PHETA2: variants seen among roughly 807,000 people sequenced by gnomAD.
PHETA2 encodes the protein PH domain containing endocytic trafficking adaptor 2, also known as sesquipedalian-2.
For synonymous variants in PHETA2, 133 were observed against 142.9 expected (o/e 0.93, Z 0.50); for missense variants, 321 against 341.3 (o/e 0.94, Z 0.47).
chr22:42,074,894 T>C (rs1927225381), intron 1 of PHETA2, among the ~76,000 whole-genome samples: 1 of 152,250 alleles, frequency 6.6e-6, no homozygotes, highest in East Asian at 1.9e-4. Flanking sequence ...ATTTCACTAA[T>C]TATTCTTTCA....
rs1221489646 is a variant in PHETA2 at position 42,075,445 on chromosome 22, T to G, written c.-96-126T>G. 6.6e-6 allele frequency: 1 copy of G among 151,590 alleles called. No individual in the cohort carries two copies. The highest frequency in any genetic ancestry group is 2.4e-5 in the African/African-American group (1 of 41,142). 9.4% of individuals were successfully genotyped at this position (151,590 alleles called of 1,614,324 possible). A position where few individuals can be genotyped will look rare whatever the true frequency, so the allele number is the denominator to read the frequency against. ...AGGGGTTCCTGGCTGGGTGGATGGG[T>G]GGGGGGATTCTCAGGGGTCAGGGAA... On this transcript the variant is annotated intron_variant, in intron 1 of 2. Transcript: ENST00000321753. The surrounding 1 kb of genome is among the most constrained non-coding windows in gnomAD (Gnocchi z 4.8).
chr22:42,077,443 C>T lies in PHETA2; in HGVS notation c.150C>T (p.Asn50=). The T allele has an allele frequency of 2.5e-6, 4 of 1,613,748 alleles. No individual in the cohort carries two copies. The highest frequency in any genetic ancestry group is 3.4e-6 in the Non-Finnish European group (4 of 1,179,828). The change falls in exon 3 of 3, where the codon AAC becomes AAT. Residue 50 remains asparagine, a synonymous_variant. Transcript: ENST00000321753. The part of the protein sequence containing the change: ...GRRCWFVLKG[N]LLFSFESREG... Reference sequence around the variant, plus strand: ...GATGCTGGTTTGTCCTCAAGGGCAACCTGCTATTCTCCTTTGAGAGTCGCG... The same window carrying T: ...GATGCTGGTTTGTCCTCAAGGGCAATCTGCTATTCTCCTTTGAGAGTCGCG...
chr22:42,074,287 C>T lies in PHETA2; in HGVS notation c.-151C>T, dbSNP rs935278753. The T allele has an allele frequency of 3.3e-5, 5 of 152,280 alleles. No individual in the cohort carries two copies. Among genetic ancestry groups the T allele is most frequent in the Admixed American group, 2.0e-4 (3 of 15,290 alleles). 9.4% of individuals were successfully genotyped at this position (152,280 alleles called of 1,614,324 possible). ...CCACGTTGCAGCCCAGGCGGAGGCG[C>T]GGGATCTCGAGCTGGGATCGCCCTC... On this transcript the variant is annotated 5_prime_UTR_variant, in exon 1 of 3. Coordinates refer to ENST00000321753, the MANE Select transcript of PHETA2 (RefSeq NM_001002034.3).
intron 1 of PHETA2, 77 bp downstream of exon 1, chr22:42,074,418 G>T (rs1927197585): frequency 6.6e-6 from 1 of 152,396 alleles, no homozygotes. Flanking sequence ...GCGGCGAACA[G>T]CCCCGACGCG....
intron 1 of PHETA2, 166 bp downstream of exon 1, chr22:42,074,507 C>T (rs1237866304): frequency 6.6e-6 from 1 of 152,422 alleles, no homozygotes; most frequent in Non-Finnish European, 1.5e-5. Context: ...CGGGTTGGGG[C>T]TCCCCGCAGT....
chr22:42,075,559 A>T lies in PHETA2; in HGVS notation c.-96-12A>T, dbSNP rs1927251467. 1 of 152,164 alleles carries T rather than the reference A, an allele frequency of 6.6e-6. No homozygotes were observed. The highest frequency in any genetic ancestry group is 1.5e-5 in the Non-Finnish European group (1 of 68,084). 9.4% of individuals were successfully genotyped at this position (152,164 alleles called of 1,614,324 possible). A position where few individuals can be genotyped will look rare whatever the true frequency, so the allele number is the denominator to read the frequency against. On this transcript the variant is annotated splice_polypyrimidine_tract_variant and intron_variant, in intron 1 of 2. Coordinates refer to ENST00000321753, the MANE Select transcript of PHETA2 (RefSeq NM_001002034.3). This position sits in a 1 kb window ranked among gnomAD's most constrained non-coding sequence, Gnocchi z 4.8. Reference sequence around the variant, plus strand: ...TGGGATAAGCTGACTGGGCTTGAGAATTGTTTTGCAGGTTCCCTGGGAACC... The same window carrying T: ...TGGGATAAGCTGACTGGGCTTGAGATTTGTTTTGCAGGTTCCCTGGGAACC...
chr22:42,079,369 A>C lies in PHETA2; in HGVS notation c.*1296A>C, dbSNP rs1017524872. 1 of 199,174 alleles carries C rather than the reference A, an allele frequency of 5.0e-6. No individual in the cohort carries two copies. The highest frequency in any genetic ancestry group is 2.3e-5 in the African/African-American group (1 of 42,692). 12.3% of individuals were successfully genotyped at this position (199,174 alleles called of 1,614,324 possible). ...TGCATTTTGTTTAAACACAGATAGCACGGGCCTTTCTCTTATTGCTACAGT... is the reference window on the plus strand; with the variant it reads ...TGCATTTTGTTTAAACACAGATAGCCCGGGCCTTTCTCTTATTGCTACAGT... On this transcript the variant is annotated 3_prime_UTR_variant, in exon 3 of 3. Coordinates refer to ENST00000321753, the MANE Select transcript of PHETA2 (RefSeq NM_001002034.3).
Position 42,078,208 on chromosome 22 carries a change from A to C in PHETA2, c.*135A>C. ...GCTATTTAGGCATTCTCCAGGTTCG[A>C]GATCCACCCGTGTGTCTGGAAGGGA... On this transcript the variant is annotated 3_prime_UTR_variant, in exon 3 of 3. Coordinates refer to ENST00000321753, the MANE Select transcript of PHETA2 (RefSeq NM_001002034.3). 1 of 1,030,068 alleles carries C rather than the reference A, an allele frequency of 9.7e-7. No homozygotes were observed. The highest frequency in any genetic ancestry group is 1.4e-6 in the Non-Finnish European group (1 of 721,098). 63.8% of individuals were successfully genotyped at this position (1,030,068 alleles called of 1,614,324 possible).
At chr22:42,076,285 C>G (rs978945931) in intron 2 of PHETA2, 47 of 155,086 alleles carry the variant, frequency 3.0e-4, no homozygotes, top group African/African-American at 1.1e-3. Flanking sequence ...TAGCCAATCA[C>G]TAATCAATGT....
At position 42,077,523 on chromosome 22, in the gene PHETA2, C is replaced by T; in HGVS notation, c.230C>T (p.Ala77Val). ...VVLEGCTVELAEAPVPEEFAF... is the reference protein window; with the variant it reads ...VVLEGCTVELVEAPVPEEFAF... ...CTGGAAGGCTGCACAGTGGAACTGG[C>T]CGAGGCTCCCGTGCCCGAGGAGTTT... Residue 77 changes from alanine (A) to valine (V), a missense_variant, in exon 3 of 3, where the codon GCC (alanine) becomes GTC (valine). By Grantham distance (64) the Ala-to-Val change is moderately conservative. Transcript: ENST00000321753. 6.2e-7 allele frequency: 1 copy of T among 1,614,140 alleles called. No individual in the cohort carries two copies. The highest frequency in any genetic ancestry group is 8.5e-7 in the Non-Finnish European group (1 of 1,180,018).
At position 42,078,586 on chromosome 22, in the gene PHETA2, T is replaced by C. The variant is rs1225996690; in HGVS notation, c.*513T>C. The stretch of plus-strand genomic sequence containing the variant: ...GGGACCCAGCTCTTCCTGAGAGGGG[T>C]GGGAAGATTGGGGATGGGATCCTCA... On this transcript the variant is annotated 3_prime_UTR_variant, in exon 3 of 3. Coordinates refer to ENST00000321753, the MANE Select transcript of PHETA2 (RefSeq NM_001002034.3). The C allele has an allele frequency of 1.2e-5, 2 of 167,752 alleles. No individual in the cohort carries two copies. Among genetic ancestry groups the C allele is most frequent in the African/African-American group, 4.8e-5 (2 of 41,370 alleles). 10.4% of individuals were successfully genotyped at this position (167,752 alleles called of 1,614,324 possible). A position where few individuals can be genotyped will look rare whatever the true frequency, so the allele number is the denominator to read the frequency against.
Position 42,077,852 on chromosome 22 carries a change from GA to G in PHETA2, c.561del (p.Ala188ArgfsTer23), listed in dbSNP as rs1927370193. On this transcript the variant is annotated frameshift_variant, in exon 3 of 3. Coordinates refer to ENST00000321753, the MANE Select transcript of PHETA2 (RefSeq NM_001002034.3). LOFTEE classifies it low-confidence loss of function (END_TRUNC). ...KDSSPVGLVEEAGSRSAGWGL... is the reference protein window; with the variant it reads ...KDSSPVGLVEXAGSRSAGWGL... ...CAGCAGCCCTGTGGGCTTGGTTGAA[GA>G]AGCGGGCAGCAGGTCTGCAGGGTGG... is the stretch of plus-strand genomic sequence containing the variant. The G allele has an allele frequency of 1.9e-6, 3 of 1,613,464 alleles. No homozygotes were observed. In the East Asian group the frequency reaches 6.7e-5, roughly 36 times the overall value.
rs1368804995 is a variant in PHETA2 at position 42,075,080 on chromosome 22, G to A, written c.-96-491G>A. Among the ~76,000 whole-genome samples the A allele has an allele frequency of 6.6e-6, 1 of 152,062 alleles. No homozygotes were observed. Among genetic ancestry groups the A allele is most frequent in the Non-Finnish European group, 1.5e-5 (1 of 68,016 alleles). On this transcript the variant is annotated intron_variant, in intron 1 of 2. Transcript: ENST00000321753. The surrounding 1 kb of genome is among the most constrained non-coding windows in gnomAD (Gnocchi z 4.8). ...GGTGCTGGGTATTGGGGTTCTCCTG[G>A]GAACTTAGCTGAGCCCCACCCTAGA...
chr22:42,077,616 C>T lies in PHETA2; in HGVS notation c.323C>T (p.Ala108Val), dbSNP rs1222108371. The stretch of plus-strand genomic sequence containing the variant: ...CTGCTGGCCGCAGAAGGGCCGGCGG[C>T]CCAGGAGGCCTGGGTGAAGGTGCTG... ...PHLLAAEGPA[A>V]QEAWVKVLSR... The change falls in exon 3 of 3, where the codon GCC becomes GTC. Residue 108 changes from alanine to valine, a missense_variant. By Grantham distance (64) the Ala-to-Val change is moderately conservative. Coordinates refer to ENST00000321753, the MANE Select transcript of PHETA2 (RefSeq NM_001002034.3). 6.2e-7 allele frequency: 1 copy of T among 1,614,090 alleles called. No individual in the cohort carries two copies.
Position 42,078,672 on chromosome 22 carries a change from A to ATCTGC in PHETA2, c.*600_*601insCTGCT, listed in dbSNP as rs112903584. On this transcript the variant is annotated 3_prime_UTR_variant, in exon 3 of 3. Transcript: ENST00000321753. ...GTCTTCGGCCAGTGAAGAGAGATTTATTCTGCTCAGAGTGCTGGGGTCCCA... is the reference window on the plus strand; with the variant it reads ...GTCTTCGGCCAGTGAAGAGAGATTTATCTGCTTCTGCTCAGAGTGCTGGGGTCCCA... 1 of 166,912 alleles carries ATCTGC rather than the reference A, an allele frequency of 6.0e-6. No individual in the cohort carries two copies. The highest frequency in any genetic ancestry group is 2.4e-5 in the African/African-American group (1 of 41,252). 10.3% of individuals were successfully genotyped at this position (166,912 alleles called of 1,614,324 possible).
rs531351772 is a variant in PHETA2, at chr22:42,077,941, T to G, written c.648T>G (p.Pro216=). ...ASLLLGKGQS[P]VSPETSCFST... is the part of the protein sequence containing the mutation. The stretch of plus-strand genomic sequence containing the variant: ...TCCTCCTAGGCAAGGGGCAGAGCCC[T>G]GTGTCCCCTGAGACCTCCTGCTTCT... Residue 216 remains proline, a synonymous_variant, in exon 3 of 3, where the codon CCT becomes CCG. Transcript: ENST00000321753. 105 of 1,612,292 alleles carry G rather than the reference T, an allele frequency of 6.5e-5. No individual in the cohort carries two copies. Among genetic ancestry groups the G allele is most frequent in the South Asian group, 6.3e-4 (57 of 90,768 alleles).
Position 42,077,463 on chromosome 22 carries a change from G to T in PHETA2, c.170G>T (p.Ser57Ile). ...GGCAACCTGCTATTCTCCTTTGAGA[G>T]TCGCGAGGGCCGGGCCCCACTGAGC... ...LKGNLLFSFE[S>I]REGRAPLSLV... The change falls in exon 3 of 3, where the codon AGT (serine) becomes ATT (isoleucine). Residue 57 changes from serine to isoleucine, a missense_variant. Ser to Ile is a moderately radical substitution (Grantham distance 142). Transcript: ENST00000321753. 2 of 1,614,012 alleles carry T rather than the reference G, an allele frequency of 1.2e-6. No individual in the cohort carries two copies. The highest frequency in any genetic ancestry group is 2.2e-5 in the South Asian group (2 of 91,076).
Position 42,077,793 on chromosome 22 carries a change from C to T in PHETA2, c.500C>T (p.Ala167Val), listed in dbSNP as rs147466995. 23 of 1,612,444 alleles carry T rather than the reference C, an allele frequency of 1.4e-5. No individual in the cohort carries two copies. Among genetic ancestry groups the T allele is most frequent in the African/African-American group, 8.0e-5 (6 of 74,952 alleles). ...CKPQAPNHRA[A>V]GLENGHCLSK... ...CCCCAGGCTCCTAACCACCGAGCTG[C>T]GGGCCTGGAGAATGGCCACTGCCTC... Residue 167 changes from alanine (A) to valine (V), a missense_variant, in exon 3 of 3, where the codon GCG becomes GTG. Ala to Val is a moderately conservative substitution (Grantham distance 64). Transcript: ENST00000321753.
chr22:42,074,267 T>C lies in PHETA2; in HGVS notation c.-171T>C, dbSNP rs1927189241. Reference sequence around the variant, plus strand: ...GGGTCTCCCGGCTCCCGCGGCCACGTTGCAGCCCAGGCGGAGGCGCGGGAT... The same window carrying C: ...GGGTCTCCCGGCTCCCGCGGCCACGCTGCAGCCCAGGCGGAGGCGCGGGAT... On this transcript the variant is annotated 5_prime_UTR_variant, in exon 1 of 3. Transcript: ENST00000321753. 6.6e-6 allele frequency: 1 copy of C among 152,230 alleles called. No individual in the cohort carries two copies. 9.4% of individuals were successfully genotyped at this position (152,230 alleles called of 1,614,324 possible).
Sources: gnomAD v4.1 joint callset for allele counts (sites outside exome capture counted in the v4.1 genomes callset) on GRCh38, gnomAD v4.1.1 for gene constraint, Gnocchi (gnomAD v3.1) non-coding constraint, MANE v1.5 for transcripts, NCBI Gene and HGNC (gene_info 2026-07-23, HGNC 2026-07-21) for gene names.